ROBO1: variants seen among roughly 807,000 people sequenced by gnomAD.
ROBO1 encodes roundabout guidance receptor 1.
A neutral mutation model predicts 195.9 loss-of-function variants in ROBO1; 149 were observed. The ratio of observed to expected loss-of-function variants is 0.76; its 90% CI spans 0.67 to 0.87. The LOEUF (loss-of-function observed/expected upper bound fraction) is 0.87. Among genes scored for constraint, ROBO1 ranks in the 40% least tolerant of loss-of-function variants. ROBO1 has a pLI of 0.00. For synonymous variants in ROBO1, 816 were observed against 733.2 expected (o/e 1.11, Z -1.82); for missense variants, 1,933 against 2,068.3 (o/e 0.93, Z 1.27).
chr3:78,682,150 T>C (rs915581114), intron 10 of ROBO1, among the ~76,000 whole-genome samples: 1 of 152,070 alleles, frequency 6.6e-6, no homozygotes, highest in Non-Finnish European at 1.5e-5. Context: ...TATTAAATTT[T>C]TCCCCCCTGA....
At chr3:79,507,200 A>G (rs1940445804) in intron 2 of ROBO1, among the ~76,000 whole-genome samples, 1 of 152,210 alleles carries the variant, frequency 6.6e-6, no homozygotes, top group South Asian at 2.1e-4. Flanking sequence ...CAAGAACTAC[A>G]TCCCTTGTGA....
At chr3:79,039,801 CAAAA>C (rs1214691931) in intron 3 of ROBO1, among the ~76,000 whole-genome samples, 14 of 51,314 alleles carry the variant, frequency 2.7e-4, no homozygotes, top group African/African-American at 9.4e-4. Context: ...GACTCCGTCT[CAAAA>C]AAAAAAAAAA....
chr3:79,090,870 C>T (rs367683473), intron 3 of ROBO1, among the ~76,000 whole-genome samples: 1 of 152,116 alleles, frequency 6.6e-6, no homozygotes, highest in East Asian at 1.9e-4. Flanking sequence ...TTAGCTTTAT[C>T]ATGTTTAAAT....
At chr3:78,997,447 C>A (rs1453115661) in intron 3 of ROBO1, among the ~76,000 whole-genome samples, 1 of 152,092 alleles carries the variant, frequency 6.6e-6, no homozygotes, top group Non-Finnish European at 1.5e-5. Context: ...ACAAACCATT[C>A]CACTAGCAGT....
At chr3:79,483,835 C>A (rs2107400291) in intron 2 of ROBO1, among the ~76,000 whole-genome samples, 1 of 151,864 alleles carries the variant, frequency 6.6e-6, no homozygotes, top group South Asian at 2.1e-4. Context: ...GTGGGGGAAC[C>A]AAAAAGAAAG....
At chr3:79,018,818 C>A (rs2078025516) in intron 3 of ROBO1, 1 of 1,025,578 alleles carries the variant, frequency 9.8e-7, no homozygotes, top group Non-Finnish European at 1.2e-6. Flanking sequence ...TGCGCCCCCA[C>A]AATGTGCGGC....
At chr3:79,634,222 G>A (rs760964241) in intron 1 of ROBO1, among the ~76,000 whole-genome samples, 2 of 152,128 alleles carry the variant, frequency 1.3e-5, no homozygotes, top group African/African-American at 2.4e-5. Flanking sequence ...TTCAGTGAAT[G>A]CACACAAGAG....
At chr3:79,118,391 G>C (rs1205702452) in intron 3 of ROBO1, among the ~76,000 whole-genome samples, 1 of 151,774 alleles carries the variant, frequency 6.6e-6, no homozygotes, top group Non-Finnish European at 1.5e-5. Flanking sequence ...TACAACCCAA[G>C]TATTATTTGT....
At chr3:79,269,771 G>C (rs1427353304) in intron 2 of ROBO1, among the ~76,000 whole-genome samples, 1 of 151,664 alleles carries the variant, frequency 6.6e-6, no homozygotes, top group Non-Finnish European at 1.5e-5. Flanking sequence ...CTGCAGATGT[G>C]TTTACTCTGG....
rs1364942819 is a variant in ROBO1, at chr3:78,714,533, A to G, written c.918-9T>C. On this transcript the variant is annotated splice_polypyrimidine_tract_variant and intron_variant, in intron 7 of 30. Transcript: ENST00000464233. ...CATCTCGGATTTCATATCTAATGAC[A>G]TAACAAAAGAAAGCACAGTTAAGTG... 1.9e-6 allele frequency: 3 copies of G among 1,607,320 alleles called. No individual in the cohort carries two copies. Among genetic ancestry groups the G allele is most frequent in the African/African-American group, 2.7e-5 (2 of 74,714 alleles).
intron 4 of ROBO1, among the ~76,000 whole-genome samples, chr3:78,885,482 C>A (rs1220987655): frequency 7.0e-6 from 1 of 143,240 alleles, no homozygotes; most frequent in Admixed American, 7.0e-5. Flanking sequence ...AATAAAAGTT[C>A]CCCAAATTCC....
intron 2 of ROBO1, among the ~76,000 whole-genome samples, chr3:79,393,814 C>T (rs2037041448): frequency 6.6e-6 from 1 of 152,156 alleles, no homozygotes; most frequent in Admixed American, 6.5e-5. Flanking sequence ...AGGAAAAATA[C>T]TGTCAGCTTT....
At chr3:79,715,736 C>T (rs62257293) in intron 1 of ROBO1, among the ~76,000 whole-genome samples, 6,739 of 152,018 alleles carry the variant, frequency 0.044, 206 homozygotes, top group Non-Finnish European at 0.068. Context: ...TATTTGTGCT[C>T]GGCTTTTATT....
At chr3:78,688,623 A>C in intron 9 of ROBO1, 25 bp downstream of exon 9, 10 of 1,550,124 alleles carry the variant, frequency 6.5e-6, no homozygotes, top group Non-Finnish European at 8.7e-6. Context: ...TGATTTAAAA[A>C]AAAAAAGTTA....
chr3:78,864,631 A>G (rs943423856), intron 4 of ROBO1, among the ~76,000 whole-genome samples: 4 of 152,016 alleles, frequency 2.6e-5, no homozygotes, highest in African/African-American at 9.7e-5. Flanking sequence ...AAATGTAACC[A>G]TTTTAGTATC....
chr3:79,591,410 T>G (rs1466394575), intron 1 of ROBO1, among the ~76,000 whole-genome samples: 1 of 151,880 alleles, frequency 6.6e-6, no homozygotes, highest in African/African-American at 2.4e-5. Flanking sequence ...TATAATCACC[T>G]GACTTTACTT....
chr3:79,610,522 AC>A (rs1264686933), intron 1 of ROBO1, among the ~76,000 whole-genome samples: 1 of 152,010 alleles, frequency 6.6e-6, no homozygotes, highest in African/African-American at 2.4e-5. Flanking sequence ...AAAATATTGG[AC>A]CTTGTTGAAT....
intron 4 of ROBO1, among the ~76,000 whole-genome samples, chr3:78,823,892 A>G (rs566399881): frequency 1.1e-3 from 161 of 151,238 alleles, no homozygotes; most frequent in Non-Finnish European, 1.7e-3. Flanking sequence ...GTGTGTGTGT[A>G]TGTATGTATG....
At chr3:79,074,559 A>C (rs1413328679) in intron 3 of ROBO1, among the ~76,000 whole-genome samples, 1 of 151,666 alleles carries the variant, frequency 6.6e-6, no homozygotes, top group Non-Finnish European at 1.5e-5. Context: ...CTGAGACCAC[A>C]GACGCATGCC....
Sources: allele counts gnomAD v4.1 joint callset (sites outside exome capture counted in the v4.1 genomes callset), GRCh38; gene constraint gnomAD v4.1.1; transcripts MANE v1.5; gene names NCBI Gene and HGNC (gene_info 2026-07-23, HGNC 2026-07-21).